The following ACOXL variants were observed in gnomAD, a reference collection of about 807,000 sequenced individuals.
The protein encoded by ACOXL is acyl-coenzyme A oxidase-like protein.
A neutral mutation model predicts 71.9 loss-of-function variants in ACOXL; 70 were observed. The ratio of observed to expected loss-of-function variants is 0.97; its 90% CI spans 0.80 to 1.19. The LOEUF is 1.19. Ranked by LOEUF, ACOXL falls within the 50% of genes most tolerant of loss-of-function variation. The pLI is 0.00. For missense variants in ACOXL, 703 were observed against 736.3 expected, an observed-to-expected ratio of 0.95 and a Z score of 0.52; for synonymous variants, 253 against 281.6, an observed-to-expected ratio of 0.90 and a Z score of 1.02.
intron 14 of ACOXL, among the ~76,000 whole-genome samples, chr2:111,024,161 A>G (rs181209302): frequency 1.0e-3 from 152 of 152,240 alleles, no homozygotes; most frequent in Non-Finnish European, 1.7e-3. Context: ...CTCCATGACA[A>G]AGAAGGGCCA....
intron 5 of ACOXL, 73 bp downstream of exon 5, chr2:110,794,247 G>T: frequency 7.0e-7 from 1 of 1,430,314 alleles, no homozygotes; most frequent in Non-Finnish European, 9.8e-7. Context: ...CCTTCTTTCT[G>T]TGTCCAGCTT....
chr2:110,865,027 G>A lies in ACOXL; in HGVS notation c.788+23622G>A, dbSNP rs1277503603. The stretch of plus-strand genomic sequence containing the variant: ...AAGGCCGTTGCCTTCCAACTCTGCT[G>A]AGTTTCTTATGTATTTCTGTGTGGT... On this transcript the variant is annotated intron_variant, in intron 10 of 17. Transcript: ENST00000439055. Among the ~76,000 whole-genome samples, 3 of 122,666 alleles carry A rather than the reference G, an allele frequency of 2.4e-5. No homozygotes were observed. In the East Asian group the frequency reaches 7.1e-4, roughly 29 times the overall value. The allele number at this position is 122,666 out of a possible 152,430, so 80.5% of individuals were successfully genotyped here.
chr2:111,104,204 C>A (rs1236054378), intron 17 of ACOXL, among the ~76,000 whole-genome samples: 1 of 152,194 alleles, frequency 6.6e-6, no homozygotes, highest in African/African-American at 2.4e-5. Context: ...TACACATGGA[C>A]TGCAGTTTGT....
chr2:111,064,887 A>T (rs1047868394), intron 16 of ACOXL, among the ~76,000 whole-genome samples: 1 of 152,240 alleles, frequency 6.6e-6, no homozygotes, highest in Non-Finnish European at 1.5e-5. Flanking sequence ...GATATACCAT[A>T]TTCATCAATT....
intron 9 of ACOXL, among the ~76,000 whole-genome samples, chr2:110,818,290 A>C (rs1688153472): frequency 6.6e-6 from 1 of 150,962 alleles, no homozygotes; most frequent in Non-Finnish European, 1.5e-5. Context: ...GCTATTTGGG[A>C]GGCTGAGGCA....
intron 1 of ACOXL, among the ~76,000 whole-genome samples, chr2:110,750,848 C>G (rs898045749): frequency 6.6e-6 from 1 of 151,784 alleles, no homozygotes; most frequent in Non-Finnish European, 1.5e-5. Flanking sequence ...AGGTGCCCCA[C>G]TAATTTTTGT....
chr2:110,761,058 C>T (rs937129886), intron 1 of ACOXL, among the ~76,000 whole-genome samples: 1 of 152,170 alleles, frequency 6.6e-6, no homozygotes, highest in Non-Finnish European at 1.5e-5. Flanking sequence ...TTACTCGTTC[C>T]TTTCCAATTT....
intron 17 of ACOXL, 110 bp from the exon 18 acceptor site, chr2:111,117,505 AG>A (rs1245755158): frequency 4.4e-6 from 5 of 1,128,294 alleles, no homozygotes; most frequent in Non-Finnish European, 3.9e-6. Context: ...AAGGGAAACT[AG>A]TTTCCGGGGC....
intron 9 of ACOXL, among the ~76,000 whole-genome samples, chr2:110,835,945 G>T (rs1690406780): frequency 6.6e-6 from 1 of 152,198 alleles, no homozygotes; most frequent in Non-Finnish European, 1.5e-5. Flanking sequence ...TGTGGAGTAG[G>T]TAACATTATC....
intron 14 of ACOXL, among the ~76,000 whole-genome samples, chr2:111,029,763 C>A (rs979030545): frequency 2.0e-5 from 3 of 152,174 alleles, no homozygotes; most frequent in African/African-American, 7.2e-5. Flanking sequence ...CAATGTCCTG[C>A]AACAGCACCA....
At chr2:111,080,972 C>T (rs187521534) in intron 16 of ACOXL, among the ~76,000 whole-genome samples, 30 of 152,242 alleles carry the variant, frequency 2.0e-4, no homozygotes, top group Admixed American at 1.3e-3. Context: ...ATTCAACATC[C>T]GTTCATGCTA....
intron 10 of ACOXL, among the ~76,000 whole-genome samples, chr2:110,873,093 C>G (rs1006516160): frequency 2.0e-5 from 3 of 152,196 alleles, no homozygotes; most frequent in Admixed American, 2.0e-4. Flanking sequence ...GTTCCTCCGT[C>G]ACACAAAAAC....
At chr2:110,768,554 CTTTTA>C (rs1681437512) in intron 2 of ACOXL, 90 bp downstream of exon 2, 4 of 1,226,170 alleles carry the variant, frequency 3.3e-6, no homozygotes, top group Non-Finnish European at 4.7e-6. Context: ...TTCTCTCCAG[CTTTTA>C]TTTTATGTTT....
At chr2:110,769,181 A>G (rs1489267598) in intron 2 of ACOXL, among the ~76,000 whole-genome samples, 1 of 151,944 alleles carries the variant, frequency 6.6e-6, no homozygotes, top group East Asian at 1.9e-4. Context: ...AAAAACTGTC[A>G]TTCTAAATTT....
In ACOXL at chr2:110,790,548, A is replaced by G. The variant is rs574272344; in HGVS notation, c.160-3102A>G. ...AGGCTTTCTCAAGCAAGGTGGGTGCATGTTTGAAGTTCGAGTTTTCATTAG... is the reference window on the plus strand; with the variant it reads ...AGGCTTTCTCAAGCAAGGTGGGTGCGTGTTTGAAGTTCGAGTTTTCATTAG... On this transcript the variant is annotated intron_variant, in intron 3 of 17. Coordinates refer to ENST00000439055, the MANE Select transcript of ACOXL (RefSeq NM_001142807.4). Among the ~76,000 whole-genome samples the G allele has an allele frequency of 1.1e-4, 16 of 152,276 alleles. No individual in the cohort carries two copies. The East Asian group carries it at 2.7e-3, about 26-fold the overall frequency.
At chr2:110,894,154 A>G (rs2058906533) in intron 10 of ACOXL, among the ~76,000 whole-genome samples, 1 of 152,204 alleles carries the variant, frequency 6.6e-6, no homozygotes, top group African/African-American at 2.4e-5. Context: ...ACTTTTCTCT[A>G]TTCCTCCCAC....
chr2:110,737,386 A>G (rs1676997211), intron 1 of ACOXL, among the ~76,000 whole-genome samples: 2 of 151,990 alleles, frequency 1.3e-5, no homozygotes, highest in South Asian at 4.2e-4. Context: ...CTACAGCACC[A>G]TTTTCCTTTT....
At chr2:110,788,503 G>A (rs1684259148) in intron 3 of ACOXL, among the ~76,000 whole-genome samples, 1 of 152,164 alleles carries the variant, frequency 6.6e-6, no homozygotes, top group Non-Finnish European at 1.5e-5. Flanking sequence ...GGGAGTTATT[G>A]CTTAATGGGT....
At chr2:110,993,385 A>G (rs771068864) in intron 13 of ACOXL, among the ~76,000 whole-genome samples, 14 of 152,378 alleles carry the variant, frequency 9.2e-5, no homozygotes, top group Middle Eastern at 6.8e-3. Flanking sequence ...AAACAGAACC[A>G]GGCAGTATGT....
Sources: gnomAD v4.1 joint callset for allele counts (sites outside exome capture counted in the v4.1 genomes callset) on GRCh38, gnomAD v4.1.1 for gene constraint, MANE v1.5 for transcripts, NCBI Gene and HGNC (gene_info 2026-07-23, HGNC 2026-07-21) for gene names.